The following CCN1 variants were observed in gnomAD, a reference collection of about 807,000 sequenced individuals.
CCN1 encodes CCN family member 1.
A neutral mutation model predicts 38.1 loss-of-function variants in CCN1; 12 were observed. The observed-to-expected ratio is 0.31, with a 90% confidence interval of 0.20 to 0.51. The LOEUF is 0.51. Among genes scored for constraint, CCN1 ranks in the 20% least tolerant of loss-of-function variants. The probability of loss-of-function intolerance (pLI) is 0.97; values close to 1 mark genes in which losing one functional copy is unlikely to be tolerated. For synonymous variants in CCN1, 202 were observed against 196.1 expected (o/e 1.03, Z -0.25); for missense variants, 466 against 490.9 (o/e 0.95, Z 0.48).
At position 85,582,138 on chromosome 1, in the gene CCN1, G is replaced by T. The variant is rs752010323; in HGVS notation, c.488G>T (p.Cys163Phe). The T allele has an allele frequency of 6.2e-7, 1 of 1,614,198 alleles. No individual in the cohort carries two copies. The highest frequency in any genetic ancestry group is 1.7e-5 in the Admixed American group (1 of 60,024). ...GGGCAGTGCTGCGAGGAGTGGGTCT[G>T]TGACGAGGATAGTATCAAGGACCCC... is the stretch of plus-strand genomic sequence containing the variant. The part of the protein sequence containing the change: ...VTGQCCEEWV[C>F]DEDSIKDPME... Residue 163 changes from cysteine to phenylalanine, a missense_variant, in exon 3 of 5, where the codon TGT (cysteine) becomes TTT (phenylalanine). By Grantham distance (205) the Cys-to-Phe change is radical (BLOSUM62 -2). Coordinates refer to ENST00000451137, the MANE Select transcript of CCN1 (RefSeq NM_001554.5).
rs1659832609 is a variant in CCN1, at chr1:85,583,399, GATA to G, written c.*362_*364del. ...TTTGGGGTTCTACAGTCGTAAAAGA[GATA>G]ATAAGATTAGTTGGACAGTTTAAAG... On this transcript the variant is annotated 3_prime_UTR_variant, in exon 5 of 5. Transcript: ENST00000451137. 2 of 242,656 alleles carry G rather than the reference GATA, an allele frequency of 8.2e-6. No homozygotes were observed. Among genetic ancestry groups the G allele is most frequent in the Admixed American group, 5.0e-5 (1 of 19,878 alleles). The allele number at this position is 242,656 out of a possible 1,614,324, so 15.0% of individuals were successfully genotyped here.
rs372791013 is a variant in CCN1, at chr1:85,583,029, A to G, written c.1133A>G (p.Lys378Arg). The G allele has an allele frequency of 1.2e-6, 2 of 1,609,070 alleles. No individual in the cohort carries two copies. Among genetic ancestry groups the G allele is most frequent in the Non-Finnish European group, 1.7e-6 (2 of 1,175,608 alleles). The change falls in exon 5 of 5, where the codon AAA becomes AGA. Residue 378 changes from lysine (K) to arginine (R), a missense_variant. Lys to Arg is a conservative substitution (Grantham distance 26, BLOSUM62 2). Transcript: ENST00000451137. ...TACAGGCTGTTCAATGACATTCACA[A>G]ATTTAGGGACTAAATGCTACCTGGG... ...PFYRLFNDIH[K>R]FRD
At chr1:85,581,250 G>C in intron 1 of CCN1, 115 bp from the exon 2 acceptor site, 1 of 1,257,874 alleles carries the variant, frequency 7.9e-7, no homozygotes, top group South Asian at 1.5e-5. Context: ...CGGGCTGGAC[G>C]AGATCAGAGG....
chr1:85,582,973 C>T lies in CCN1; in HGVS notation c.1077C>T (p.Cys359=). Reference sequence around the variant, plus strand: ...AGTCCTGCAAATGCAACTACAACTGCCCGCATGCCAATGAAGCAGCGTTTC... The same window carrying T: ...AGTCCTGCAAATGCAACTACAACTGTCCGCATGCCAATGAAGCAGCGTTTC... ...MIQSCKCNYN[C]PHANEAAFPF... is the part of the protein sequence containing the mutation. Residue 359 remains cysteine (C), a synonymous_variant, in exon 5 of 5, where the codon TGC becomes TGT. Transcript: ENST00000451137. 6.2e-7 allele frequency: 1 copy of T among 1,614,146 alleles called. No homozygotes were observed. Among genetic ancestry groups the T allele is most frequent in the Non-Finnish European group, 8.5e-7 (1 of 1,179,994 alleles).
intron 2 of CCN1, 132 bp from the exon 3 acceptor site, chr1:85,581,796 A>G: frequency 8.7e-7 from 1 of 1,150,734 alleles, no homozygotes; most frequent in Non-Finnish European, 1.3e-6. Flanking sequence ...TCTGGTCTGG[A>G]GTCTCCGGGG....
Position 85,581,386 on chromosome 1 carries a change from G to A in CCN1, c.85G>A (p.Ala29Thr), listed in dbSNP as rs1290476911. ...TRLALSTCPA[A>T]CHCPLEAPKC... ...CCAGGCGCTCTCCACCTGCCCCGCT[G>A]CCTGCCACTGCCCCCTGGAGGCGCC... Residue 29 changes from alanine (A) to threonine (T), a missense_variant, in exon 2 of 5, where the codon GCC (alanine) becomes ACC (threonine). Around this residue, in one of 3 missense-constraint regions of CCN1, gnomAD observed 146 missense variants for 141.1 expected, o/e 1.03. Transcript: ENST00000451137. 2 of 1,597,704 alleles carry A rather than the reference G, an allele frequency of 1.3e-6. No homozygotes were observed. The highest frequency in any genetic ancestry group is 2.3e-5 in the East Asian group (1 of 44,058).
At position 85,582,301 on chromosome 1, in the gene CCN1, C is replaced by T. The variant is rs780979913; in HGVS notation, c.634+17C>T. 3.1e-6 allele frequency: 5 copies of T among 1,613,680 alleles called. No individual in the cohort carries two copies. Among genetic ancestry groups the T allele is most frequent in the African/African-American group, 2.7e-5 (2 of 74,926 alleles). ...GGCTCCCTGGTAAGTGGAGACTGAG[C>T]ACTTCAGACACTGTACTGAGATGCA... On this transcript the variant is annotated intron_variant, in intron 3 of 4. Transcript: ENST00000451137.
Position 85,580,960 on chromosome 1 carries a change from C to A in CCN1, c.-25C>A. 1 of 1,573,318 alleles carries A rather than the reference C, an allele frequency of 6.4e-7. No homozygotes were observed. The highest frequency in any genetic ancestry group is 1.2e-5 in the South Asian group (1 of 84,188). Reference sequence around the variant, plus strand: ...GTTGGCGTCTTCGTCGCCGCGCTCGCCCCGGGCTACTCCTGCGCGCCACAA... The same window carrying A: ...GTTGGCGTCTTCGTCGCCGCGCTCGACCCGGGCTACTCCTGCGCGCCACAA... On this transcript the variant is annotated 5_prime_UTR_variant, in exon 1 of 5. Transcript: ENST00000451137.
Position 85,582,810 on chromosome 1 carries a change from G to C in CCN1, c.914G>C (p.Ser305Thr), listed in dbSNP as rs1400061007. The part of the protein sequence containing the change: ...PVRFTYAGCL[S>T]VKKYRPKYCG... ...AGGTTTACTTACGCTGGATGTTTGA[G>C]TGTGAAGAAATACCGGCCCAAGTAC... Residue 305 changes from serine to threonine, a missense_variant, in exon 5 of 5, where the codon AGT (serine) becomes ACT (threonine). Physicochemically the swap from Ser to Thr is moderately conservative, Grantham distance 58 (BLOSUM62 1). This residue lies in a region of CCN1 where 309 missense variants were observed against 319.9 expected (regional missense o/e 0.97). Coordinates refer to ENST00000451137, the MANE Select transcript of CCN1 (RefSeq NM_001554.5). 1 of 1,614,230 alleles carries C rather than the reference G, an allele frequency of 6.2e-7. No individual in the cohort carries two copies. Among genetic ancestry groups the C allele is most frequent in the Non-Finnish European group, 8.5e-7 (1 of 1,180,044 alleles).
intron 2 of CCN1, 173 bp from the exon 3 acceptor site, chr1:85,581,755 A>T (rs746383927): frequency 3.8e-5 from 42 of 1,093,896 alleles, no homozygotes; most frequent in Non-Finnish European, 5.4e-5. Flanking sequence ...GAAAGCGCAT[A>T]CGGAAAAGTG....
At position 85,583,215 on chromosome 1, in the gene CCN1, G is replaced by A. The variant is rs370758600; in HGVS notation, c.*173G>A. Reference sequence around the variant, plus strand: ...TATTTCGAAACTGCCAAGGGTGCTGGTGCGGATGGACACTAATGCAGCCAC... The same window carrying A: ...TATTTCGAAACTGCCAAGGGTGCTGATGCGGATGGACACTAATGCAGCCAC... On this transcript the variant is annotated 3_prime_UTR_variant, in exon 5 of 5. Transcript: ENST00000451137. The A allele has an allele frequency of 5.8e-6, 4 of 693,180 alleles. No homozygotes were observed. The highest frequency in any genetic ancestry group is 3.6e-5 in the African/African-American group (2 of 55,802). 42.9% of individuals were successfully genotyped at this position (693,180 alleles called of 1,614,324 possible).
chr1:85,582,508 T>C lies in CCN1; in HGVS notation c.727T>C (p.Cys243Arg), dbSNP rs758449064. Residue 243 changes from cysteine to arginine, a missense_variant, in exon 4 of 5, where the codon TGT becomes CGT. Physicochemically the swap from Cys to Arg is radical, Grantham distance 180. Around this residue, in one of 3 missense-constraint regions of CCN1, gnomAD observed 309 missense variants for 319.9 expected, o/e 0.97. Coordinates refer to ENST00000451137, the MANE Select transcript of CCN1 (RefSeq NM_001554.5). ...TTCATGGTCCCAGTGCTCAAAGACC[T>C]GTGGAACTGGTATCTCCACACGAGT... Reference protein sequence around the residue: ...TTSWSQCSKTCGTGISTRVTN... With the variant: ...TTSWSQCSKTRGTGISTRVTN... 1.9e-6 allele frequency: 3 copies of C among 1,614,210 alleles called. No homozygotes were observed. The highest frequency in any genetic ancestry group is 2.5e-6 in the Non-Finnish European group (3 of 1,180,042).
Position 85,580,770 on chromosome 1 carries a change from G to A in CCN1, c.-215G>A, listed in dbSNP as rs573728243. 147 of 376,484 alleles carry A rather than the reference G, an allele frequency of 3.9e-4. No homozygotes were observed. Among genetic ancestry groups the A allele is most frequent in the Admixed American group, 7.0e-4 (15 of 21,406 alleles). The allele number at this position is 376,484 out of a possible 1,614,324, so 23.3% of individuals were successfully genotyped here. On this transcript the variant is annotated 5_prime_UTR_variant, in exon 1 of 5. Coordinates refer to ENST00000451137, the MANE Select transcript of CCN1 (RefSeq NM_001554.5). ...TCCGGGGCGCCTGGGCAGACCGCGA[G>A]CGAGAGCGCCCCCGAGCAGCGCCCG... is the stretch of plus-strand genomic sequence containing the variant.
Position 85,581,008 on chromosome 1 carries a change from G to T in CCN1, c.24G>T (p.Ala8=), listed in dbSNP as rs1390759186. The T allele has an allele frequency of 5.1e-5, 82 of 1,607,042 alleles. No homozygotes were observed. The highest frequency in any genetic ancestry group is 7.0e-5 in the Non-Finnish European group (82 of 1,177,478). Residue 8 remains alanine, a synonymous_variant, in exon 1 of 5, where the codon GCG becomes GCT. Coordinates refer to ENST00000451137, the MANE Select transcript of CCN1 (RefSeq NM_001554.5). ...CAATGAGCTCCCGCATCGCCAGGGC[G>T]CTCGCCTTAGTCGTCACCCTTCTCC... MSSRIAR[A]LALVVTLLHL...
Position 85,582,806 on chromosome 1 carries a change from T to C in CCN1, c.910T>C (p.Leu304=). The change falls in exon 5 of 5, where the codon TTG becomes CTG. Residue 304 remains leucine, a synonymous_variant. Transcript: ENST00000451137. ...EPVRFTYAGC[L]SVKKYRPKYC... ...AGTCAGGTTTACTTACGCTGGATGT[T>C]TGAGTGTGAAGAAATACCGGCCCAA... The C allele has an allele frequency of 6.2e-7, 1 of 1,614,170 alleles. No homozygotes were observed.
Position 85,581,982 on chromosome 1 carries a change from A to G in CCN1, c.332A>G (p.Glu111Gly), listed in dbSNP as rs1464807681. ...EYNSRIYQNGESFQPNCKHQC... is the reference protein window; with the variant it reads ...EYNSRIYQNGGSFQPNCKHQC... ...AACTCCAGAATCTACCAAAACGGGG[A>G]AAGTTTCCAGCCCAACTGTAAACAT... Residue 111 changes from glutamate (E) to glycine (G), a missense_variant, in exon 3 of 5, where the codon GAA becomes GGA. This residue lies in a region of CCN1 where 11 missense variants were observed against 29.9 expected (regional missense o/e 0.37). Coordinates refer to ENST00000451137, the MANE Select transcript of CCN1 (RefSeq NM_001554.5). 9 of 1,614,202 alleles carry G rather than the reference A, an allele frequency of 5.6e-6. No individual in the cohort carries two copies. The highest frequency in any genetic ancestry group is 6.8e-6 in the Non-Finnish European group (8 of 1,180,040).
rs1659840720 is a variant in CCN1 at position 85,583,871 on chromosome 1, CTT to C, written c.*831_*832del. 6.6e-6 allele frequency: 1 copy of C among 152,120 alleles called. No individual in the cohort carries two copies. Among genetic ancestry groups the C allele is most frequent in the South Asian group, 2.1e-4 (1 of 4,820 alleles). The allele number at this position is 152,120 out of a possible 1,614,324, so 9.4% of individuals were successfully genotyped here. On this transcript the variant is annotated 3_prime_UTR_variant, in exon 5 of 5. Coordinates refer to ENST00000451137, the MANE Select transcript of CCN1 (RefSeq NM_001554.5). Reference sequence around the variant, plus strand: ...TTTTATACCTTCAGTAGAGAAAAGTCTTTGCATATAAAGTAATGTTTAAAAAA... The same window carrying C: ...TTTTATACCTTCAGTAGAGAAAAGTCTGCATATAAAGTAATGTTTAAAAAA...
At chr1:85,581,819 C>T (rs776814858) in intron 2 of CCN1, 109 bp from the exon 3 acceptor site, 3 of 1,291,378 alleles carry the variant, frequency 2.3e-6, no homozygotes, top group South Asian at 1.2e-5. Context: ...TTGTAGGGAA[C>T]TTTACCATAA....
At position 85,581,972 on chromosome 1, in the gene CCN1, C is replaced by G; in HGVS notation, c.322C>G (p.Gln108Glu). The change falls in exon 3 of 5, where the codon CAA (glutamine) becomes GAA (glutamate). Residue 108 changes from glutamine (Q) to glutamate (E), a missense_variant. Gln to Glu is a conservative substitution (Grantham distance 29). Coordinates refer to ENST00000451137, the MANE Select transcript of CCN1 (RefSeq NM_001554.5). The stretch of plus-strand genomic sequence containing the variant: ...CTGTGAATATAACTCCAGAATCTAC[C>G]AAAACGGGGAAAGTTTCCAGCCCAA... ...RPCEYNSRIY[Q>E]NGESFQPNCK... The G allele has an allele frequency of 6.2e-7, 1 of 1,614,178 alleles. No homozygotes were observed. The highest frequency in any genetic ancestry group is 8.5e-7 in the Non-Finnish European group (1 of 1,180,024).
Sources: gnomAD v4.1 joint callset for allele counts on GRCh38, gnomAD v4.1.1 for gene constraint, gnomAD v4.1.1 regional missense constraint, MANE v1.5 for transcripts, NCBI Gene and HGNC (gene_info 2026-07-23, HGNC 2026-07-21) for gene names.